Variants in BRINP3 observed in about 807,000 individuals in gnomAD.
The protein encoded by BRINP3 is BMP/retinoic acid-inducible neural-specific protein 3.
Under a neutral mutation model 71.0 loss-of-function variants are expected in BRINP3, and 19 were observed. That is an observed-to-expected ratio of 0.27 (90% CI 0.19 to 0.39). BRINP3 has a LOEUF of 0.39. Among genes scored for constraint, BRINP3 ranks in the 10% least tolerant of loss-of-function variants. BRINP3 has a pLI of 1.00. For missense variants in BRINP3, 959 were observed against 940.8 expected (o/e 1.02, Z -0.25); for synonymous variants, 380 against 337.7 (o/e 1.13, Z -1.37).
At position 190,098,192 on chromosome 1, in the gene BRINP3, A is replaced by G. The variant is rs1181539065; in HGVS notation, c.2127T>C (p.Arg709=). 2 of 1,614,104 alleles carry G rather than the reference A, an allele frequency of 1.2e-6. No individual in the cohort carries two copies. The highest frequency in any genetic ancestry group is 1.7e-6 in the Non-Finnish European group (2 of 1,180,014). The change falls in exon 8 of 8, where the codon CGT becomes CGC. Residue 709 remains arginine, a synonymous_variant. Transcript: ENST00000367462. ...GACCAGGTGGGGAGAGTTTATTTAC[A>G]CGGTCTCTGATCTCTAGTAGTTGCA... is the stretch of plus-strand genomic sequence containing the variant. ...ALLQLLEIRD[R]VNKLSPPGQR... is the part of the protein sequence containing the mutation.
chr1:190,165,541 A>G (rs142429005), intron 6 of BRINP3, among the ~76,000 whole-genome samples: 4 of 144,144 alleles, frequency 2.8e-5, no homozygotes, highest in Non-Finnish European at 6.0e-5. Context: ...AATACTAAGT[A>G]CTAATTCCAA....
intron 2 of BRINP3, among the ~76,000 whole-genome samples, chr1:190,425,459 T>C (rs916843290): frequency 2.0e-5 from 3 of 151,774 alleles, no homozygotes; most frequent in African/African-American, 7.2e-5. Context: ...TAGTGGCCAA[T>C]TTATTTCAAC....
chr1:190,128,353 T>C (rs1320682113), intron 7 of BRINP3, among the ~76,000 whole-genome samples: 1 of 151,820 alleles, frequency 6.6e-6, no homozygotes, highest in Non-Finnish European at 1.5e-5. Flanking sequence ...CAATTTGTTA[T>C]ATAAATATTT....
At chr1:190,238,690 T>TG (rs111334801) in intron 4 of BRINP3, among the ~76,000 whole-genome samples, 64,462 of 151,528 alleles carry the variant, frequency 0.43, 14,070 homozygotes, top group Admixed American at 0.49. Context: ...CTGCTGGGAG[T>TG]TTAACTCGTA....
chr1:190,265,903 G>T (rs983753968), intron 3 of BRINP3, among the ~76,000 whole-genome samples: 1 of 152,084 alleles, frequency 6.6e-6, no homozygotes, highest in Non-Finnish European at 1.5e-5. Context: ...GAATTTCCCT[G>T]CATAGGATAT....
intron 2 of BRINP3, among the ~76,000 whole-genome samples, chr1:190,420,304 A>T (rs1673290197): frequency 1.3e-5 from 2 of 152,032 alleles, no homozygotes; most frequent in Admixed American, 1.3e-4. Context: ...TAACAAGAAT[A>T]TATAGCATGT....
At chr1:190,211,740 T>C (rs1278235678) in intron 6 of BRINP3, among the ~76,000 whole-genome samples, 1 of 152,126 alleles carries the variant, frequency 6.6e-6, no homozygotes. Context: ...ATTTGAGATC[T>C]AAATCAGAAA....
intron 5 of BRINP3, among the ~76,000 whole-genome samples, chr1:190,227,693 T>A (rs1021992279): frequency 3.9e-5 from 6 of 151,906 alleles, no homozygotes; most frequent in Non-Finnish European, 5.9e-5. Context: ...ATTGAGTGAC[T>A]GTGCTGAAGA....
chr1:190,344,277 A>G (rs1350494813), intron 2 of BRINP3, among the ~76,000 whole-genome samples: 1 of 151,792 alleles, frequency 6.6e-6, no homozygotes, highest in Non-Finnish European at 1.5e-5. Context: ...TGAGTCTGTT[A>G]CTTCAATACT....
intron 6 of BRINP3, among the ~76,000 whole-genome samples, chr1:190,181,160 T>C (rs1651049162): frequency 2.0e-5 from 3 of 152,080 alleles, no homozygotes; most frequent in Admixed American, 6.6e-5. Flanking sequence ...AGACAATACA[T>C]GGTTTTCTCT....
Position 190,474,990 on chromosome 1 carries a change from G to A in BRINP3, c.-51+2458C>T, listed in dbSNP as rs1286319058. 2.7e-5 allele frequency among the ~76,000 whole-genome samples: 4 copies of A among 149,264 alleles called. No homozygotes were observed. The Admixed American group carries it at 2.7e-4, about 10-fold the overall frequency. On this transcript the variant is annotated intron_variant, in intron 1 of 7. Coordinates refer to ENST00000367462, the MANE Select transcript of BRINP3 (RefSeq NM_199051.3). ...CAACTTTAAAGTGGGTATAATATAA[G>A]CTAGACAGATTCCAAACCCTCACTC...
intron 1 of BRINP3, among the ~76,000 whole-genome samples, chr1:190,473,033 A>G (rs991424045): frequency 2.6e-5 from 4 of 151,966 alleles, no homozygotes; most frequent in Non-Finnish European, 5.9e-5. Context: ...AAAGAAAATG[A>G]AATTGATCGT....
At chr1:190,138,591 A>G (rs1161454711) in intron 7 of BRINP3, among the ~76,000 whole-genome samples, 3 of 152,062 alleles carry the variant, frequency 2.0e-5, no homozygotes, top group East Asian at 3.9e-4. Context: ...TATAGGTGGC[A>G]TATGTGGTGG....
chr1:190,471,626 G>T (rs939431565), intron 1 of BRINP3, among the ~76,000 whole-genome samples: 2 of 151,306 alleles, frequency 1.3e-5, no homozygotes, highest in Non-Finnish European at 3.0e-5. Flanking sequence ...TTTGTAAAAA[G>T]CATTGGAAAT....
intron 3 of BRINP3, among the ~76,000 whole-genome samples, chr1:190,270,613 G>A (rs999017055): frequency 1.3e-5 from 2 of 151,646 alleles, no homozygotes; most frequent in African/African-American, 4.8e-5. Flanking sequence ...GGTATTCATT[G>A]TACAAATATC....
intron 6 of BRINP3, among the ~76,000 whole-genome samples, chr1:190,219,535 G>T (rs949713990): frequency 8.6e-5 from 13 of 151,958 alleles, no homozygotes; most frequent in African/African-American, 3.1e-4. Flanking sequence ...TAAAAGACTG[G>T]CTATTTGAAA....
chr1:190,239,956 A>G (rs542499015), intron 4 of BRINP3, among the ~76,000 whole-genome samples: 1 of 151,706 alleles, frequency 6.6e-6, no homozygotes, highest in Non-Finnish European at 1.5e-5. Context: ...AATCCAATAC[A>G]ATCTATTTTA....
intron 6 of BRINP3, among the ~76,000 whole-genome samples, chr1:190,192,849 T>C (rs1384701104): frequency 1.3e-5 from 2 of 152,136 alleles, no homozygotes; most frequent in Admixed American, 6.6e-5. Flanking sequence ...GTAACTGAAT[T>C]ACAACAGCCA....
intron 6 of BRINP3, among the ~76,000 whole-genome samples, chr1:190,199,596 A>G (rs1174339509): frequency 6.6e-6 from 1 of 152,034 alleles, no homozygotes; most frequent in Non-Finnish European, 1.5e-5. Context: ...CAAAACCAAA[A>G]CATTTTCTTG....
Sources: gnomAD v4.1 joint callset for allele counts (sites outside exome capture counted in the v4.1 genomes callset) on GRCh38, gnomAD v4.1.1 for gene constraint, MANE v1.5 for transcripts, NCBI Gene and HGNC (gene_info 2026-07-23, HGNC 2026-07-21) for gene names.